Variants in CELA2A observed in about 807,000 individuals in gnomAD.
CELA2A encodes the protein chymotrypsin-like elastase family member 2A.
A neutral mutation model predicts 35.3 loss-of-function variants in CELA2A; 31 were observed. That is an observed-to-expected ratio of 0.88 (90% CI 0.66 to 1.19). The LOEUF is 1.19. Ranked by LOEUF, CELA2A falls within the 50% of genes most tolerant of loss-of-function variation. The probability of loss-of-function intolerance (pLI) is 0.00; values close to 1 mark genes in which losing one functional copy is unlikely to be tolerated. For synonymous variants in CELA2A, 150 were observed against 149.8 expected, an observed-to-expected ratio of 1.00 and a Z score of -0.01; for missense variants, 330 against 352.9, an observed-to-expected ratio of 0.94 and a Z score of 0.52.
chr1:15,466,196 A>G, intron 6 of CELA2A, 52 bp downstream of exon 6: 1 of 1,595,518 alleles, frequency 6.3e-7, no homozygotes, highest in Non-Finnish European at 8.6e-7. Context: ...GGCTGGGGAT[A>G]AGGCTATAGA....
chr1:15,470,715 G>A (rs1241834753), intron 7 of CELA2A, among the ~76,000 whole-genome samples: 3 of 152,054 alleles, frequency 2.0e-5, no homozygotes, highest in Non-Finnish European at 4.4e-5. Flanking sequence ...TGAGTAGCTG[G>A]GATTACAGGC....
At chr1:15,463,778 A>G (rs954692298) in intron 5 of CELA2A, among the ~76,000 whole-genome samples, 3 of 152,240 alleles carry the variant, frequency 2.0e-5, no homozygotes, top group Admixed American at 1.3e-4. Flanking sequence ...GGCTGGGCGC[A>G]GTGGCTCATA....
intron 5 of CELA2A, among the ~76,000 whole-genome samples, chr1:15,465,156 C>A (rs1305484871): frequency 6.6e-6 from 1 of 151,836 alleles, no homozygotes; most frequent in South Asian, 2.1e-4. Context: ...GCATTATAGG[C>A]GAGTGCCACC....
At chr1:15,462,711 C>T in intron 3 of CELA2A, 22 bp from the exon 4 acceptor site, 1 of 1,613,548 alleles carries the variant, frequency 6.2e-7, no homozygotes, top group Non-Finnish European at 8.5e-7. Context: ...GTGACCCTCT[C>T]CCTGGGCCCC....
intron 1 of CELA2A, 142 bp from the exon 2 acceptor site, chr1:15,456,944 G>A: frequency 7.7e-7 from 1 of 1,294,844 alleles, no homozygotes; most frequent in Non-Finnish European, 1.1e-6. Context: ...CAAAGAATTG[G>A]AGCAAAGAGC....
intron 3 of CELA2A, 130 bp from the exon 4 acceptor site, chr1:15,462,603 C>A: frequency 9.0e-7 from 1 of 1,106,786 alleles, no homozygotes; most frequent in Non-Finnish European, 1.3e-6. Flanking sequence ...ACTGATTGTC[C>A]CAGGGGAGGA....
chr1:15,462,877 G>C lies in CELA2A; in HGVS notation c.356+16G>C. The C allele has an allele frequency of 6.2e-7, 1 of 1,614,062 alleles. No individual in the cohort carries two copies. Among genetic ancestry groups the C allele is most frequent in the South Asian group, 1.1e-5 (1 of 91,080 alleles). On this transcript the variant is annotated intron_variant, in intron 4 of 7. Transcript: ENST00000359621. ...TCTCCAAAGGGTTCGTTTCTGTCTG[G>C]GTGCACTTGGGGGTGAGGTTGTCAG...
Position 15,463,490 on chromosome 1 carries a change from C to T in CELA2A, c.461C>T (p.Pro154Leu), listed in dbSNP as rs745668498. Residue 154 changes from proline to leucine, a missense_variant, in exon 5 of 8, where the codon CCC becomes CTC. Pro to Leu is a moderately conservative substitution (Grantham distance 98, BLOSUM62 -3). Coordinates refer to ENST00000359621, the MANE Select transcript of CELA2A (RefSeq NM_033440.3). ...PAGTILPNNY[P>L]CYVTGWGRLQ... ...GGCACCATTCTACCCAACAACTACCCCTGCTACGTCACGGGCTGGGGAAGG... is the reference window on the plus strand; with the variant it reads ...GGCACCATTCTACCCAACAACTACCTCTGCTACGTCACGGGCTGGGGAAGG... 1.9e-6 allele frequency: 3 copies of T among 1,613,958 alleles called. No individual in the cohort carries two copies. The highest frequency in any genetic ancestry group is 2.5e-6 in the Non-Finnish European group (3 of 1,179,974).
Position 15,466,157 on chromosome 1 carries a change from A to T in CELA2A, c.639+13A>T, listed in dbSNP as rs746531307. On this transcript the variant is annotated intron_variant, in intron 6 of 7. Transcript: ENST00000359621. The stretch of plus-strand genomic sequence containing the variant: ...CTCCAGCTGCAACGTGAGTACCAAA[A>T]TCAGGGGCTCCGCTCCATGACAAAA... The T allele has an allele frequency of 1.9e-6, 3 of 1,613,124 alleles. No individual in the cohort carries two copies. Among genetic ancestry groups the T allele is most frequent in the Non-Finnish European group, 2.5e-6 (3 of 1,179,298 alleles).
intron 2 of CELA2A, among the ~76,000 whole-genome samples, chr1:15,460,491 G>A (rs891318782): frequency 6.6e-6 from 1 of 152,060 alleles, no homozygotes; most frequent in African/African-American, 2.4e-5. Context: ...GTTATAGGGA[G>A]CCCGATCAGA....
At position 15,468,615 on chromosome 1, in the gene CELA2A, TG is replaced by T. The variant is rs796868930; in HGVS notation, c.792+1080del. On this transcript the variant is annotated intron_variant, in intron 7 of 7. Transcript: ENST00000359621. The stretch of plus-strand genomic sequence containing the variant: ...TGAGCCCAGGAGTTCAAGAGCATCC[TG>T]GGCAACATAGCAAGACTCTGTCTTT... Among the ~76,000 whole-genome samples the T allele has an allele frequency of 3.7e-4, 57 of 152,244 alleles. 1 individual carries two copies. The highest frequency in any genetic ancestry group is 1.3e-3 in the African/African-American group (56 of 41,552).
At chr1:15,471,574 A>T (rs1218441300) in intron 7 of CELA2A, among the ~76,000 whole-genome samples, 1 of 152,112 alleles carries the variant, frequency 6.6e-6, no homozygotes, top group African/African-American at 2.4e-5. Context: ...CAAATAAAAA[A>T]AAAAACGTTT....
chr1:15,457,904 C>T (rs1178964810), intron 2 of CELA2A, among the ~76,000 whole-genome samples: 1 of 152,128 alleles, frequency 6.6e-6, no homozygotes, highest in Non-Finnish European at 1.5e-5. Context: ...AAAATGTTTT[C>T]TTAAGTTGAT....
rs1183303942 is a variant in CELA2A, at chr1:15,466,054, T to C, written c.549T>C (p.Tyr183=). 6.2e-7 allele frequency: 1 copy of C among 1,614,158 alleles called. No homozygotes were observed. Among genetic ancestry groups the C allele is most frequent in the East Asian group, 2.2e-5 (1 of 44,880 alleles). The part of the protein sequence containing the change: ...LQQGRLLVVD[Y]ATCSSSAWWG... ...AGGGCCGGTTGCTGGTTGTGGACTA[T>C]GCCACCTGCTCCAGCTCTGCCTGGT... Residue 183 remains tyrosine (Y), a synonymous_variant, in exon 6 of 8, where the codon TAT becomes TAC. Transcript: ENST00000359621.
chr1:15,460,916 T>C (rs1376061597), intron 2 of CELA2A, among the ~76,000 whole-genome samples: 2 of 152,168 alleles, frequency 1.3e-5, no homozygotes, highest in Non-Finnish European at 2.9e-5. Flanking sequence ...TATCTGAGAC[T>C]GGGTAATTTA....
chr1:15,471,821 C>T (rs4661632), intron 7 of CELA2A, among the ~76,000 whole-genome samples, 169 bp from the exon 8 acceptor site: 69,903 of 151,642 alleles, frequency 0.46, 19,638 homozygotes, highest in East Asian at 0.69. Context: ...AAGCTGTGAT[C>T]ACATCTTTTT....
chr1:15,468,397 CT>C (rs1043621719), intron 7 of CELA2A, among the ~76,000 whole-genome samples: 1 of 152,176 alleles, frequency 6.6e-6, no homozygotes, highest in Non-Finnish European at 1.5e-5. Context: ...GTTGGTCCCC[CT>C]GTCTTGTAAA....
intron 2 of CELA2A, 117 bp from the exon 3 acceptor site, chr1:15,461,444 T>C: frequency 9.7e-7 from 1 of 1,034,928 alleles, no homozygotes; most frequent in Non-Finnish European, 1.5e-6. Context: ...GTTGTGCACA[T>C]GAGGCGACTG....
chr1:15,458,773 C>T (rs1182735766), intron 2 of CELA2A, among the ~76,000 whole-genome samples: 2 of 151,852 alleles, frequency 1.3e-5, no homozygotes, highest in Admixed American at 6.6e-5. Flanking sequence ...ATTAGCCAGG[C>T]ATGGTGGCGG....
Sources: allele counts gnomAD v4.1 joint callset (sites outside exome capture counted in the v4.1 genomes callset), GRCh38; gene constraint gnomAD v4.1.1; transcripts MANE v1.5; gene names NCBI Gene and HGNC (gene_info 2026-07-23, HGNC 2026-07-21).